Variants in TRA2A observed in about 807,000 individuals in gnomAD.
TRA2A encodes the protein transformer-2 protein homolog alpha.
A neutral mutation model predicts 45.7 loss-of-function variants in TRA2A; 31 were observed. That is an observed-to-expected ratio of 0.68 (90% CI 0.51 to 0.92). The LOEUF (loss-of-function observed/expected upper bound fraction) is 0.92, where lower values mean the gene tolerates loss of function less well. Ranked by LOEUF, TRA2A falls within the 40% of genes least tolerant of loss-of-function variation. The pLI is 0.00. For synonymous variants in TRA2A, 132 were observed against 126.2 expected (o/e 1.05, Z -0.31); for missense variants, 304 against 367.5 (o/e 0.83, Z 1.41).
intron 4 of TRA2A, among the ~76,000 whole-genome samples, chr7:23,507,740 T>C (rs1789409788): frequency 6.6e-6 from 1 of 152,106 alleles, no homozygotes; most frequent in African/African-American, 2.4e-5. Context: ...GCAGAAAGAG[T>C]AGTTAATAAA....
intron 4 of TRA2A, among the ~76,000 whole-genome samples, chr7:23,508,789 T>G (rs1789457829): frequency 6.6e-6 from 1 of 151,718 alleles, no homozygotes; most frequent in Non-Finnish European, 1.5e-5. Context: ...CCACCACGCC[T>G]GGCCTGCATG....
intron 1 of TRA2A, 33 bp from the exon 2 acceptor site, chr7:23,521,873 G>T: frequency 6.2e-7 from 1 of 1,613,200 alleles, no homozygotes. Context: ...AAATGGCACT[G>T]GTCATGTAGA....
At chr7:23,528,468 A>AGC (rs1790430903) in intron 1 of TRA2A, among the ~76,000 whole-genome samples, 1 of 151,886 alleles carries the variant, frequency 6.6e-6, no homozygotes, top group African/African-American at 2.4e-5. Context: ...AGCCTCCCAA[A>AGC]GCGCTGGGAT....
intron 4 of TRA2A, among the ~76,000 whole-genome samples, chr7:23,508,374 C>A (rs1185392156): frequency 6.6e-6 from 1 of 151,524 alleles, no homozygotes. Flanking sequence ...CTTATGCAAT[C>A]CTCCAGCCTT....
chr7:23,515,117 GT>G (rs777197982), intron 3 of TRA2A, among the ~76,000 whole-genome samples: 5 of 149,918 alleles, frequency 3.3e-5, no homozygotes, highest in Non-Finnish European at 7.4e-5. Flanking sequence ...TTACTACAAA[GT>G]TTTTAATATT....
chr7:23,520,504 C>T (rs75689856), intron 2 of TRA2A, among the ~76,000 whole-genome samples: 2,497 of 152,128 alleles, frequency 0.016, 77 homozygotes, highest in African/African-American at 0.057. Flanking sequence ...AATCAAGCAC[C>T]GGGCTAGACC....
chr7:23,511,839 A>G (rs1789635725), intron 4 of TRA2A, among the ~76,000 whole-genome samples: 1 of 152,242 alleles, frequency 6.6e-6, no homozygotes, highest in South Asian at 2.1e-4. Context: ...ATAGCACTAA[A>G]AAATTATCAA....
intron 3 of TRA2A, 42 bp downstream of exon 3, chr7:23,516,321 A>G (rs763615295): frequency 7.5e-6 from 12 of 1,608,128 alleles, no homozygotes; most frequent in Non-Finnish European, 1.0e-5. Context: ...TAAACACATA[A>G]AAGAGAAAAT....
intron 2 of TRA2A, among the ~76,000 whole-genome samples, chr7:23,517,476 T>TC (rs1789929032): frequency 2.2e-4 from 1 of 4,464 alleles, no homozygotes; most frequent in South Asian, 4.2e-3. Context: ...AGACTACGTC[T>TC]CAAAAAAAAA....
Position 23,518,023 on chromosome 7 carries a change from C to CT in TRA2A, c.171-1496dup, listed in dbSNP as rs1381309715. Among the ~76,000 whole-genome samples, 4 of 152,088 alleles carry CT rather than the reference C, an allele frequency of 2.6e-5. No homozygotes were observed. In the East Asian group the frequency reaches 7.8e-4, roughly 30 times the overall value. On this transcript the variant is annotated intron_variant, in intron 2 of 7. Transcript: ENST00000297071. ...GCATGATCTCAGCTCACTGCAACCTCTCTCTCCCAGGCTCAAGAAATTCTT... is the reference window on the plus strand; with the variant it reads ...GCATGATCTCAGCTCACTGCAACCTCTTCTCTCCCAGGCTCAAGAAATTCTT...
chr7:23,508,987 AT>A (rs1022657198), intron 4 of TRA2A, among the ~76,000 whole-genome samples: 1 of 150,912 alleles, frequency 6.6e-6, no homozygotes, highest in African/African-American at 2.4e-5. Context: ...TTCTGGGACA[AT>A]TTTTTTTTCC....
intron 7 of TRA2A, 36 bp downstream of exon 7, chr7:23,505,710 G>A (rs373496429): frequency 1.0e-5 from 14 of 1,385,608 alleles, no homozygotes; most frequent in Non-Finnish European, 1.4e-5. Context: ...AATTAGAAAT[G>A]AGGTTTTTTA....
chr7:23,505,705 G>A (rs11763100), intron 7 of TRA2A, 41 bp downstream of exon 7: 1 of 1,342,320 alleles, frequency 7.4e-7, no homozygotes, highest in Non-Finnish European at 1.0e-6. Flanking sequence ...CCATTAATTA[G>A]AAATGAGGTT....
At position 23,531,925 on chromosome 7, in the gene TRA2A, G is replaced by A. The variant is rs941663920; in HGVS notation, c.-101C>T. The A allele has an allele frequency of 1.0e-4, 137 of 1,356,630 alleles. No homozygotes were observed. The highest frequency in any genetic ancestry group is 1.3e-4 in the Non-Finnish European group (128 of 963,602). The allele number at this position is 1,356,630 out of a possible 1,614,324, so 84.0% of individuals were successfully genotyped here. A position where few individuals can be genotyped will look rare whatever the true frequency, so the allele number is the denominator to read the frequency against. ...ACTGGACCGTGGGGAAGAGGAAAGA[G>A]TCGGCAACCACAGCCGCTCCACTCC... On this transcript the variant is annotated 5_prime_UTR_variant, in exon 1 of 8. Transcript: ENST00000297071.
At chr7:23,521,638 C>G (rs1482728257) in intron 2 of TRA2A, 69 bp downstream of exon 2, 3 of 1,546,448 alleles carry the variant, frequency 1.9e-6, no homozygotes, top group Non-Finnish European at 2.7e-6. Context: ...ACACAAAATG[C>G]AGCCAACAAC....
intron 4 of TRA2A, 95 bp downstream of exon 4, chr7:23,512,799 A>G (rs1789688059): frequency 9.5e-7 from 1 of 1,049,364 alleles, no homozygotes; most frequent in South Asian, 2.0e-5. Flanking sequence ...AAAAAAAGGA[A>G]GAAAAAAGGA....
chr7:23,527,087 CAA>C (rs933630060), intron 1 of TRA2A, among the ~76,000 whole-genome samples: 29 of 151,852 alleles, frequency 1.9e-4, no homozygotes, highest in African/African-American at 6.5e-4. Flanking sequence ...GTAGAAAAAA[CAA>C]GTTTGTAAGG....
chr7:23,509,075 G>C (rs1484039503), intron 4 of TRA2A, among the ~76,000 whole-genome samples: 4 of 151,802 alleles, frequency 2.6e-5, no homozygotes, highest in Admixed American at 2.6e-4. Context: ...CAAACTCCTG[G>C]GCTCAAGTAA....
At chr7:23,516,156 C>T (rs764220760) in intron 3 of TRA2A, among the ~76,000 whole-genome samples, 7 of 152,098 alleles carry the variant, frequency 4.6e-5, no homozygotes, top group Non-Finnish European at 7.4e-5. Context: ...AGAAAATATA[C>T]TTCCTTTGCA....
Sources: gnomAD v4.1 joint callset for allele counts (sites outside exome capture counted in the v4.1 genomes callset) on GRCh38, gnomAD v4.1.1 for gene constraint, MANE v1.5 for transcripts, NCBI Gene and HGNC (gene_info 2026-07-23, HGNC 2026-07-21) for gene names.